Variants in SENP3 observed in about 807,000 individuals in gnomAD.
The protein encoded by SENP3 is SUMO specific peptidase 3.
SENP3 carries 11 observed loss-of-function variants against 66.2 expected under a neutral mutation model. The ratio of observed to expected loss-of-function variants is 0.17; its 90% confidence interval spans 0.10 to 0.28. SENP3 has a LOEUF of 0.28. Ranked by LOEUF, SENP3 falls within the 10% of genes least tolerant of loss-of-function variation. The pLI is 1.00. For missense variants in SENP3, 548 were observed against 743.7 expected (o/e 0.74, Z 3.06); for synonymous variants, 292 against 277.6 (o/e 1.05, Z -0.52).
rs2071254071 is a variant in SENP3, at chr17:7,564,733, G to A, written c.824G>A (p.Ser275Asn). The change falls in exon 3 of 11, where the codon AGC becomes AAC. Residue 275 changes from serine (S) to asparagine (N), a missense_variant. Ser to Asn is a conservative substitution (Grantham distance 46). Around this residue, in one of 6 missense-constraint regions of SENP3, gnomAD observed 215 missense variants for 230.7 expected, o/e 0.93. Transcript: ENST00000321337. ...DASILISNVCSIGDHVAQELF... is the reference protein window; with the variant it reads ...DASILISNVCNIGDHVAQELF... ...AGCATCCTCATCAGCAATGTGTGCA[G>A]CATCGGGGACCATGTGGCCCAGGAG... The A allele has an allele frequency of 1.9e-6, 3 of 1,613,936 alleles. No homozygotes were observed. Among genetic ancestry groups the A allele is most frequent in the African/African-American group, 1.3e-5 (1 of 74,930 alleles).
rs1429747052 is a variant in SENP3 at position 7,571,860 on chromosome 17, T to C, written c.*377T>C. Reference sequence around the variant, plus strand: ...TTTTATATATATATATATATATATATATATATATATATATATATATATATA... The same window carrying C: ...TTTTATATATATATATATATATATACATATATATATATATATATATATATA... On this transcript the variant is annotated 3_prime_UTR_variant, in exon 11 of 11. Coordinates refer to ENST00000321337, the MANE Select transcript of SENP3 (RefSeq NM_015670.6). 8.6e-3 allele frequency: 108 copies of C among 12,600 alleles called. 1 individual carries two copies. Among genetic ancestry groups the C allele is most frequent in the African/African-American group, 0.048 (91 of 1,902 alleles). The allele number at this position is 12,600 out of a possible 1,614,324, so 0.8% of individuals were successfully genotyped here.
rs532180084 is a variant in SENP3 at position 7,563,099 on chromosome 17, C to T, written c.23C>T (p.Thr8Ile). 7 of 1,515,722 alleles carry T rather than the reference C, an allele frequency of 4.6e-6. No individual in the cohort carries two copies. Among genetic ancestry groups the T allele is most frequent in the East Asian group, 4.6e-5 (2 of 43,756 alleles). The allele number at this position is 1,515,722 out of a possible 1,614,324, so 93.9% of individuals were successfully genotyped here. The change falls in exon 2 of 11, where the codon ACC (threonine) becomes ATC (isoleucine). Residue 8 changes from threonine (T) to isoleucine (I), a missense_variant. Coordinates refer to ENST00000321337, the MANE Select transcript of SENP3 (RefSeq NM_015670.6). MKETIQG[T>I]GSWGPEPPGP... The stretch of plus-strand genomic sequence containing the variant: ...AAGATGAAAGAGACTATACAAGGGA[C>T]CGGGTCCTGGGGGCCTGAGCCTCCT...
chr17:7,564,343 T>G (rs888489742), intron 2 of SENP3: 2 of 566,102 alleles, frequency 3.5e-6, no homozygotes, highest in African/African-American at 1.9e-5. Flanking sequence ...TGGCATATAG[T>G]GGTGACAAAT....
intron 4 of SENP3, 116 bp downstream of exon 4, chr17:7,565,186 G>A (rs573408260): frequency 2.2e-6 from 2 of 904,812 alleles, no homozygotes; most frequent in South Asian, 1.6e-5. Flanking sequence ...TAGAGCTGAA[G>A]GGGAGGACTC....
intron 2 of SENP3, chr17:7,564,422 C>G (rs564687265): frequency 3.9e-6 from 3 of 763,080 alleles, no homozygotes; most frequent in Non-Finnish European, 6.8e-6. Flanking sequence ...GGAACTCTCT[C>G]TCCATCCCTG....
chr17:7,571,898 TATATATATATAA>T lies in SENP3; in HGVS notation c.*417_*428del, dbSNP rs1203648218. Reference sequence around the variant, plus strand: ...ATATATATATATATATATATATATATATATATATATAAAAATATATAAATGCCACGGTCCTGC... The same window carrying T: ...ATATATATATATATATATATATATATAAATATATAAATGCCACGGTCCTGC... On this transcript the variant is annotated 3_prime_UTR_variant, in exon 11 of 11. Transcript: ENST00000321337. 6.6e-3 allele frequency: 85 copies of T among 12,854 alleles called. 9 individuals carry two copies. The highest frequency in any genetic ancestry group is 0.011 in the Non-Finnish European group (62 of 5,510). The allele number at this position is 12,854 out of a possible 1,614,324, so 0.8% of individuals were successfully genotyped here.
intron 10 of SENP3, 95 bp downstream of exon 10, chr17:7,571,028 C>CA: frequency 9.2e-7 from 1 of 1,089,708 alleles, no homozygotes; most frequent in Non-Finnish European, 1.4e-6. Context: ...GGCTCATAGT[C>CA]AGTTGTGGAG....
In SENP3 at chr17:7,571,494, C is replaced by A; in HGVS notation, c.*11C>A. The A allele has an allele frequency of 1.2e-6, 2 of 1,601,904 alleles. No individual in the cohort carries two copies. Among genetic ancestry groups the A allele is most frequent in the Non-Finnish European group, 1.7e-6 (2 of 1,169,376 alleles). On this transcript the variant is annotated 3_prime_UTR_variant, in exon 11 of 11. Transcript: ENST00000321337. ...AAACTCACTGTGTGAGCCTCGTACC[C>A]CAGACCCCAAGCCCATAAATGGGAA...
In SENP3 at chr17:7,563,031, C is replaced by T. The variant is rs760885328; in HGVS notation, c.-11-35C>T. The T allele has an allele frequency of 2.1e-5, 30 of 1,424,944 alleles. No homozygotes were observed. The African/African-American group carries it at 4.0e-4, about 19-fold the overall frequency. 88.3% of individuals were successfully genotyped at this position (1,424,944 alleles called of 1,614,324 possible). On this transcript the variant is annotated intron_variant, in intron 1 of 10. Transcript: ENST00000321337. Reference sequence around the variant, plus strand: ...AGGCAGGATCTGCGGTGGGGTGATGCTTAGATTTTGATACCCTGATCTTTT... The same window carrying T: ...AGGCAGGATCTGCGGTGGGGTGATGTTTAGATTTTGATACCCTGATCTTTT...
Position 7,562,726 on chromosome 17 carries a change from C to T in SENP3, c.-11-340C>T, listed in dbSNP as rs1442468353. ...CATGTCCCTGAGGAAAGAAACTGCC[C>T]TTGTTGGGCCCTCAAAGGACAGCCC... On this transcript the variant is annotated intron_variant, in intron 1 of 10. Transcript: ENST00000321337. The surrounding 1 kb of genome is among the most constrained non-coding windows in gnomAD (Gnocchi z 5.0). 6.6e-6 allele frequency among the ~76,000 whole-genome samples: 1 copy of T among 152,154 alleles called. No individual in the cohort carries two copies. The highest frequency in any genetic ancestry group is 1.5e-5 in the Non-Finnish European group (1 of 68,036).
Position 7,570,220 on chromosome 17 carries a change from G to A in SENP3, c.1342-136G>A, listed in dbSNP as rs2071301958. 1 of 1,077,876 alleles carries A rather than the reference G, an allele frequency of 9.3e-7. No homozygotes were observed. The highest frequency in any genetic ancestry group is 1.6e-5 in the African/African-American group (1 of 63,300). The allele number at this position is 1,077,876 out of a possible 1,614,324, so 66.8% of individuals were successfully genotyped here. A position where few individuals can be genotyped will look rare whatever the true frequency, so the allele number is the denominator to read the frequency against. On this transcript the variant is annotated intron_variant, in intron 7 of 10. Transcript: ENST00000321337. The surrounding 1 kb of genome is among the most constrained non-coding windows in gnomAD (Gnocchi z 5.4). ...ACCGAAACATGCAGATCCTGAGCTT[G>A]CCCACAATCTAGGCCTTGGGTCTTC...
At chr17:7,563,839 G>A (rs766362454) in intron 2 of SENP3, 48 bp downstream of exon 2, 1 of 1,461,512 alleles carries the variant, frequency 6.8e-7, no homozygotes, top group Admixed American at 2.4e-5. Flanking sequence ...GTTAGGGAGG[G>A]TTAAGAGCCT....
chr17:7,570,442 C>T lies in SENP3; in HGVS notation c.1428C>T (p.Arg476=). ...WSLISVDVRR[R]TITYFDSQRT... Reference sequence around the variant, plus strand: ...TCATCTCTGTTGATGTGAGGCGACGCACCATCACCTATTTTGACTCGCAGC... The same window carrying T: ...TCATCTCTGTTGATGTGAGGCGACGTACCATCACCTATTTTGACTCGCAGC... Residue 476 remains arginine, a synonymous_variant, in exon 8 of 11, where the codon CGC becomes CGT. Coordinates refer to ENST00000321337, the MANE Select transcript of SENP3 (RefSeq NM_015670.6). The surrounding 1 kb of genome is among the most constrained non-coding windows in gnomAD (Gnocchi z 5.4). 3.7e-6 allele frequency: 6 copies of T among 1,613,802 alleles called. No homozygotes were observed. Among genetic ancestry groups the T allele is most frequent in the Non-Finnish European group, 2.5e-6 (3 of 1,179,876 alleles).
At chr17:7,566,051 G>GAA (rs1421228016) in intron 6 of SENP3, 5 of 302,298 alleles carry the variant, frequency 1.7e-5, no homozygotes, top group Non-Finnish European at 3.1e-5. Context: ...AAAAGAAAAA[G>GAA]AAAAAGGCCA....
At position 7,570,189 on chromosome 17, in the gene SENP3, C is replaced by T. The variant is rs945011000; in HGVS notation, c.1342-167C>T. On this transcript the variant is annotated intron_variant, in intron 7 of 10. Transcript: ENST00000321337. The surrounding 1 kb of genome is among the most constrained non-coding windows in gnomAD (Gnocchi z 5.4). ...ATTGTCTGACCTTCCTCCCTTACCC[C>T]GAAGAACCGAAACATGCAGATCCTG... 2.0e-5 allele frequency among the ~76,000 whole-genome samples: 3 copies of T among 152,160 alleles called. No homozygotes were observed. The highest frequency in any genetic ancestry group is 3.8e-4 in the East Asian group (2 of 5,198).
In SENP3 at chr17:7,571,885, ATATATATATATATATATATAT is replaced by A. The variant is rs2071325341; in HGVS notation, c.*403_*423del. The A allele has an allele frequency of 2.5e-4, 3 of 11,942 alleles. No homozygotes were observed. Among genetic ancestry groups the A allele is most frequent in the South Asian group, 2.4e-3 (1 of 410 alleles). 0.7% of individuals were successfully genotyped at this position (11,942 alleles called of 1,614,324 possible). On this transcript the variant is annotated 3_prime_UTR_variant, in exon 11 of 11. Coordinates refer to ENST00000321337, the MANE Select transcript of SENP3 (RefSeq NM_015670.6). ...TATATATATATATATATATATATAT[ATATATATATATATATATATAT>A]ATAAAAATATATAAATGCCACGGTC...
In SENP3 at chr17:7,564,963, C is replaced by G; in HGVS notation, c.960C>G (p.Ile320Met). ...TCCTCTCTCCCTTTCCACCAGGCAT[C>G]TTGGACGAATTCCTTCAAACGTATG... ...REEHVTCVQS[I>M]LDEFLQTYGS... is the part of the protein sequence containing the mutation. Residue 320 changes from isoleucine to methionine, a missense_variant, in exon 4 of 11, where the codon ATC becomes ATG. By Grantham distance (10) the Ile-to-Met change is conservative. Transcript: ENST00000321337. 6.2e-7 allele frequency: 1 copy of G among 1,612,686 alleles called. No individual in the cohort carries two copies. The highest frequency in any genetic ancestry group is 8.5e-7 in the Non-Finnish European group (1 of 1,178,772).
rs1031039190 is a variant in SENP3 at position 7,571,470 on chromosome 17, A to G, written c.1712A>G (p.Lys571Arg). The G allele has an allele frequency of 5.0e-6, 8 of 1,613,358 alleles. No homozygotes were observed. The highest frequency in any genetic ancestry group is 5.9e-6 in the Non-Finnish European group (7 of 1,179,520). Residue 571 changes from lysine to arginine, a missense_variant, in exon 11 of 11, where the codon AAA becomes AGA. Lys to Arg is a conservative substitution (Grantham distance 26). Transcript: ENST00000321337. The part of the protein sequence containing the change: ...RQIYKELCHC[K>R]LTV ...ATCTACAAGGAGCTGTGTCACTGCA[A>G]ACTCACTGTGTGAGCCTCGTACCCC...
At position 7,571,395 on chromosome 17, in the gene SENP3, C is replaced by G. The variant is rs1472452705; in HGVS notation, c.1637C>G (p.Ser546Cys). The G allele has an allele frequency of 6.2e-7, 1 of 1,607,278 alleles. No homozygotes were observed. Among genetic ancestry groups the G allele is most frequent in the Non-Finnish European group, 8.5e-7 (1 of 1,176,438 alleles). Residue 546 changes from serine to cysteine, a missense_variant, in exon 11 of 11, where the codon TCT becomes TGT. Transcript: ENST00000321337. Reference protein sequence around the residue: ...VLQYCKHLALSQPFSFTQQDM... With the variant: ...VLQYCKHLALCQPFSFTQQDM... ...CAGTACTGCAAGCATCTGGCCCTGTCTCAGCCATTCAGCTTCACCCAGCAG... is the reference window on the plus strand; with the variant it reads ...CAGTACTGCAAGCATCTGGCCCTGTGTCAGCCATTCAGCTTCACCCAGCAG...
Sources: gnomAD v4.1 joint callset for allele counts (sites outside exome capture counted in the v4.1 genomes callset) on GRCh38, gnomAD v4.1.1 for gene constraint, gnomAD v4.1.1 regional missense constraint, Gnocchi (gnomAD v3.1) non-coding constraint, MANE v1.5 for transcripts, NCBI Gene and HGNC (gene_info 2026-07-23, HGNC 2026-07-21) for gene names.